Variants in GDPD5 observed in about 807,000 individuals in gnomAD.
GDPD5 encodes the protein glycerophosphodiester phosphodiesterase domain containing 5.
In GDPD5, 48 loss-of-function variants were observed where a neutral mutation model predicts 75.1. That is an observed-to-expected ratio of 0.64 (90% confidence interval 0.51 to 0.81). GDPD5 has a LOEUF of 0.81. GDPD5 is among the 40% of genes least tolerant of loss of function. GDPD5 has a pLI of 0.00. For missense variants in GDPD5, 706 were observed against 822.6 expected, an observed-to-expected ratio of 0.86 and a Z score of 1.73; for synonymous variants, 336 against 339.0, an observed-to-expected ratio of 0.99 and a Z score of 0.10.
chr11:75,494,626 A>T (rs1218027904), intron 1 of GDPD5, among the ~76,000 whole-genome samples: 1 of 152,208 alleles, frequency 6.6e-6, no homozygotes, highest in Non-Finnish European at 1.5e-5. Flanking sequence ...AATCTAAAAG[A>T]CTAAAAGTAA....
At chr11:75,483,357 C>G (rs973518104) in intron 2 of GDPD5, among the ~76,000 whole-genome samples, 3 of 152,222 alleles carry the variant, frequency 2.0e-5, no homozygotes, top group African/African-American at 7.2e-5. Context: ...ATGGAATAAA[C>G]ACGCACTATG....
At chr11:75,488,893 TA>T (rs978731473) in intron 2 of GDPD5, among the ~76,000 whole-genome samples, 3 of 152,170 alleles carry the variant, frequency 2.0e-5, no homozygotes, top group African/African-American at 7.2e-5. Context: ...TCTGAAGACC[TA>T]TAGTGTCTGC....
chr11:75,440,364 C>T (rs1948754958), intron 14 of GDPD5, among the ~76,000 whole-genome samples: 1 of 152,146 alleles, frequency 6.6e-6, no homozygotes, highest in Admixed American at 6.5e-5. Flanking sequence ...TTCCCTTCAC[C>T]CTCCTCTCCC....
At chr11:75,456,551 T>C in intron 6 of GDPD5, 1 of 595,764 alleles carries the variant, frequency 1.7e-6, no homozygotes, top group Non-Finnish European at 3.0e-6. Context: ...AGTACCTACA[T>C]CACAAGGTTG....
intron 11 of GDPD5, 116 bp downstream of exon 11, chr11:75,443,020 C>T (rs776393981): frequency 3.3e-5 from 41 of 1,226,160 alleles, no homozygotes; most frequent in Admixed American, 2.6e-4. Context: ...GGGTGGAGGT[C>T]GCGAAAGCTC....
chr11:75,465,894 C>A (rs934295196), intron 3 of GDPD5, among the ~76,000 whole-genome samples: 5 of 152,218 alleles, frequency 3.3e-5, no homozygotes, highest in Non-Finnish European at 7.4e-5. Flanking sequence ...GGGAAGACGA[C>A]CTGTGACCGG....
chr11:75,496,858 G>A (rs2135437710), intron 1 of GDPD5, among the ~76,000 whole-genome samples: 1 of 132,692 alleles, frequency 7.5e-6, no homozygotes, highest in African/African-American at 2.9e-5. Context: ...ACAGCTCACT[G>A]CAACCTCCGC....
chr11:75,512,857 G>A (rs990821432), intron 1 of GDPD5, among the ~76,000 whole-genome samples: 1 of 152,202 alleles, frequency 6.6e-6, no homozygotes, highest in Non-Finnish European at 1.5e-5. Flanking sequence ...AGAGGTTGCA[G>A]CCTGGGCAAC....
intron 1 of GDPD5, among the ~76,000 whole-genome samples, chr11:75,507,783 A>G (rs1950432774): frequency 6.6e-6 from 1 of 152,206 alleles, no homozygotes. Flanking sequence ...AGGAACACTC[A>G]GAGGCTAATT....
chr11:75,518,397 G>A (rs1182791546), intron 1 of GDPD5, among the ~76,000 whole-genome samples: 1 of 152,186 alleles, frequency 6.6e-6, no homozygotes, highest in African/African-American at 2.4e-5. Context: ...ATTGTCTTGG[G>A]ACACTGTGGG....
chr11:75,502,139 T>C (rs369234694), intron 1 of GDPD5, among the ~76,000 whole-genome samples: 26 of 152,186 alleles, frequency 1.7e-4, no homozygotes, highest in African/African-American at 5.8e-4. Flanking sequence ...CGCAAAACTT[T>C]TTTCAACCTG....
At chr11:75,508,481 C>T (rs1261228037) in intron 1 of GDPD5, 1 of 152,058 alleles carries the variant, frequency 6.6e-6, no homozygotes, top group Non-Finnish European at 1.5e-5. Context: ...TCAGAGAGCC[C>T]CAGGCACAAA....
intron 3 of GDPD5, among the ~76,000 whole-genome samples, chr11:75,474,224 C>A (rs896386422): frequency 6.6e-6 from 1 of 152,320 alleles, no homozygotes; most frequent in South Asian, 2.1e-4. Context: ...GTGCAAGAAT[C>A]GGCTATGGTA....
intron 6 of GDPD5, chr11:75,456,510 A>G (rs1949288522): frequency 1.8e-6 from 1 of 559,348 alleles, no homozygotes; most frequent in Non-Finnish European, 3.2e-6. Flanking sequence ...TTTGTACTTC[A>G]GTTTCCCCAA....
chr11:75,463,967 G>A (rs541103910), intron 3 of GDPD5, among the ~76,000 whole-genome samples: 4 of 152,330 alleles, frequency 2.6e-5, no homozygotes, highest in South Asian at 2.1e-4. Flanking sequence ...TGCCTGCCGC[G>A]GTGCGCCCGC....
Position 75,441,370 on chromosome 11 carries a change from C to T in GDPD5, c.1326-60G>A, listed in dbSNP as rs553047306. ...ACCCTGGCAGCTCCAGGCCCAGTGTCGGGGCTGGTAAAGCACGTCCTGTTC... is the reference window on the plus strand; with the variant it reads ...ACCCTGGCAGCTCCAGGCCCAGTGTTGGGGCTGGTAAAGCACGTCCTGTTC... On this transcript the variant is annotated intron_variant, in intron 13 of 16. Transcript: ENST00000336898. 1.6e-3 allele frequency: 2,504 copies of T among 1,595,468 alleles called. 13 individuals carry two copies. Among genetic ancestry groups the T allele is most frequent in the East Asian group, 0.013 (580 of 44,716 alleles).
intron 1 of GDPD5, among the ~76,000 whole-genome samples, chr11:75,513,047 C>T (rs1185365961): frequency 2.6e-5 from 4 of 152,130 alleles, no homozygotes; most frequent in Non-Finnish European, 5.9e-5. Context: ...GACACAATGC[C>T]ACGTCTAGAC....
At chr11:75,474,940 T>C (rs1949748302) in intron 3 of GDPD5, among the ~76,000 whole-genome samples, 1 of 152,242 alleles carries the variant, frequency 6.6e-6, no homozygotes, top group South Asian at 2.1e-4. Flanking sequence ...CAACACACGC[T>C]ATCTTCCCTA....
intron 3 of GDPD5, among the ~76,000 whole-genome samples, chr11:75,470,389 T>A (rs1395696523): frequency 6.6e-6 from 1 of 152,250 alleles, no homozygotes; most frequent in African/African-American, 2.4e-5. Flanking sequence ...TGTAGTCAAA[T>A]CTATCCCTCT....
Sources: gnomAD v4.1 joint callset for allele counts (sites outside exome capture counted in the v4.1 genomes callset) on GRCh38, gnomAD v4.1.1 for gene constraint, MANE v1.5 for transcripts, NCBI Gene and HGNC (gene_info 2026-07-23, HGNC 2026-07-21) for gene names.